The following NR6A1 variants were observed in gnomAD, a reference collection of about 807,000 sequenced individuals.
NR6A1 encodes retinoic acid receptor-related testis-associated receptor.
Under a neutral mutation model 59.1 loss-of-function variants are expected in NR6A1, and 7 were observed. That is an observed-to-expected ratio of 0.12 (90% CI 0.07 to 0.22). The LOEUF is 0.22. Ranked by LOEUF, NR6A1 falls within the 10% of genes least tolerant of loss-of-function variation. The pLI is 1.00. For missense variants in NR6A1, 468 were observed against 611.6 expected (o/e 0.77, Z 2.48); for synonymous variants, 243 against 236.1 (o/e 1.03, Z -0.27).
chr9:124,742,738 T>C (rs1195291017), intron 1 of NR6A1, among the ~76,000 whole-genome samples: 1 of 151,658 alleles, frequency 6.6e-6, no homozygotes, highest in Non-Finnish European at 1.5e-5. Flanking sequence ...TAGCCAGGCA[T>C]GGTGGTACGC....
At chr9:124,750,731 G>A (rs1051467459) in intron 1 of NR6A1, among the ~76,000 whole-genome samples, 1 of 152,080 alleles carries the variant, frequency 6.6e-6, no homozygotes, top group African/African-American at 2.4e-5. Context: ...CTGCACTCCA[G>A]CCTGGGTGAC....
At chr9:124,584,733 T>C (rs2131469420) in intron 2 of NR6A1, among the ~76,000 whole-genome samples, 1 of 152,256 alleles carries the variant, frequency 6.6e-6, no homozygotes, top group Middle Eastern at 3.4e-3. Context: ...GGCCTCTCCA[T>C]TCTCTGAAAC....
chr9:124,533,246 C>T (rs1285778943), intron 7 of NR6A1, among the ~76,000 whole-genome samples: 2 of 152,198 alleles, frequency 1.3e-5, no homozygotes, highest in African/African-American at 4.8e-5. Flanking sequence ...GACTGCTATC[C>T]AAACACCCCT....
At chr9:124,737,781 G>A (rs1431449822) in intron 1 of NR6A1, among the ~76,000 whole-genome samples, 7 of 152,026 alleles carry the variant, frequency 4.6e-5, no homozygotes, top group Non-Finnish European at 8.8e-5. Flanking sequence ...CAGAAGAATC[G>A]CTTGAACACA....
At chr9:124,739,162 T>C (rs1274437677) in intron 1 of NR6A1, among the ~76,000 whole-genome samples, 3 of 144,162 alleles carry the variant, frequency 2.1e-5, no homozygotes, top group Admixed American at 7.1e-5. Flanking sequence ...CACTCCAGCC[T>C]GGACAACAGA....
intron 2 of NR6A1, among the ~76,000 whole-genome samples, chr9:124,644,271 CTTTTTTTT>C (rs35401605): frequency 1.0e-5 from 1 of 96,744 alleles, no homozygotes; most frequent in African/African-American, 4.1e-5. Flanking sequence ...ATTAAGTCTT[CTTTTTTTT>C]TTTTTTTTTT....
chr9:124,679,457 G>A (rs761051005), intron 2 of NR6A1, among the ~76,000 whole-genome samples: 7 of 152,154 alleles, frequency 4.6e-5, no homozygotes, highest in South Asian at 2.1e-4. Context: ...CAGCAGATCC[G>A]CACCTGCCCC....
chr9:124,592,322 C>T (rs1835150871), intron 2 of NR6A1, among the ~76,000 whole-genome samples: 1 of 152,130 alleles, frequency 6.6e-6, no homozygotes, highest in Admixed American at 6.6e-5. Flanking sequence ...CATTTTAACA[C>T]AACGGAAATG....
At chr9:124,583,197 G>C (rs908760979) in intron 2 of NR6A1, among the ~76,000 whole-genome samples, 2 of 137,466 alleles carry the variant, frequency 1.5e-5, no homozygotes, top group African/African-American at 2.7e-5. Flanking sequence ...CTTTCAATTA[G>C]TGGGAAAAGT....
At chr9:124,607,773 G>A (rs780374768) in intron 2 of NR6A1, among the ~76,000 whole-genome samples, 7 of 152,086 alleles carry the variant, frequency 4.6e-5, no homozygotes, top group Admixed American at 6.5e-5. Flanking sequence ...GGGTGGGCAC[G>A]GTGGCCAACA....
At chr9:124,666,780 A>T (rs28589302) in intron 2 of NR6A1, among the ~76,000 whole-genome samples, 2,714 of 152,254 alleles carry the variant, frequency 0.018, 82 homozygotes, top group African/African-American at 0.062. Flanking sequence ...TAAACAAGAC[A>T]AAGGTGTTGT....
chr9:124,582,587 A>G (rs1427833552), intron 2 of NR6A1, among the ~76,000 whole-genome samples: 1 of 152,190 alleles, frequency 6.6e-6, no homozygotes, highest in Non-Finnish European at 1.5e-5. Context: ...GTTAAAAAAA[A>G]AAAAAGAAAT....
chr9:124,683,254 G>T (rs1311892520), intron 2 of NR6A1, among the ~76,000 whole-genome samples: 1 of 151,606 alleles, frequency 6.6e-6, no homozygotes, highest in Admixed American at 6.6e-5. Context: ...AAAAGGAAAA[G>T]GAAAAGGAAA....
At chr9:124,691,490 T>C (rs550789584) in intron 2 of NR6A1, among the ~76,000 whole-genome samples, 15 of 152,232 alleles carry the variant, frequency 9.9e-5, no homozygotes, top group Admixed American at 2.0e-4. Context: ...ATCTGTCCCA[T>C]TGTAAATCAC....
chr9:124,608,309 C>A (rs1835633443), intron 2 of NR6A1, among the ~76,000 whole-genome samples: 1 of 151,750 alleles, frequency 6.6e-6, no homozygotes, highest in Admixed American at 6.6e-5. Context: ...CCACCCCCAA[C>A]AGGCCCCAGT....
intron 1 of NR6A1, among the ~76,000 whole-genome samples, chr9:124,753,898 T>C (rs13283284): frequency 0.49 from 74,342 of 151,964 alleles, 18,351 homozygotes; most frequent in Admixed American, 0.6. Context: ...TAATTCTACT[T>C]ACAAGCAAGA....
chr9:124,542,828 G>A (rs1303999910), intron 4 of NR6A1, among the ~76,000 whole-genome samples: 1 of 152,208 alleles, frequency 6.6e-6, no homozygotes, highest in Non-Finnish European at 1.5e-5. Context: ...AAAGTGCTGG[G>A]ATTACAGGCG....
At chr9:124,630,617 T>C (rs1297248932) in intron 2 of NR6A1, among the ~76,000 whole-genome samples, 2 of 150,988 alleles carry the variant, frequency 1.3e-5, no homozygotes, top group African/African-American at 4.9e-5. Context: ...CCTGGGTTCC[T>C]ATTCTTGTTC....
rs34652433 is a variant in NR6A1, at chr9:124,568,169, CAAAAAAAAAAAAAA to C, written c.143-13613_143-13600del. ...AGCCTGGCAGAGCAATACTTCATCT[CAAAAAAAAAAAAAA>C]AAAAAAAAAAAAGAAACAGAGGCTG... On this transcript the variant is annotated intron_variant, in intron 2 of 9. Coordinates refer to ENST00000487099, the MANE Select transcript of NR6A1 (RefSeq NM_033334.4). Among the ~76,000 whole-genome samples the C allele has an allele frequency of 3.6e-4, 11 of 30,448 alleles. No homozygotes were observed. In the South Asian group the frequency reaches 8.4e-3, roughly 23 times the overall value. The allele number at this position is 30,448 out of a possible 152,430, so 20.0% of individuals were successfully genotyped here.
Sources: gnomAD v4.1 joint callset for allele counts (sites outside exome capture counted in the v4.1 genomes callset) on GRCh38, gnomAD v4.1.1 for gene constraint, MANE v1.5 for transcripts, NCBI Gene and HGNC (gene_info 2026-07-23, HGNC 2026-07-21) for gene names.